Variants in KHDRBS2 observed in about 807,000 individuals in gnomAD.
KHDRBS2 encodes KH domain-containing, RNA-binding, signal transduction-associated protein 2.
In KHDRBS2, 26 loss-of-function variants were observed where a neutral mutation model predicts 44.3. The ratio of observed to expected loss-of-function variants is 0.59; its 90% confidence interval spans 0.43 to 0.81. The LOEUF is 0.81. Among genes scored for constraint, KHDRBS2 ranks in the 40% least tolerant of loss-of-function variants. KHDRBS2 has a pLI of 0.00. For synonymous variants in KHDRBS2, 194 were observed against 151.1 expected, an observed-to-expected ratio of 1.28 and a Z score of -2.08; for missense variants, 476 against 433.1, an observed-to-expected ratio of 1.10 and a Z score of -0.88.
chr6:62,237,934 G>A (rs1833962559), intron 1 of KHDRBS2, among the ~76,000 whole-genome samples: 1 of 151,960 alleles, frequency 6.6e-6, no homozygotes, highest in Non-Finnish European at 1.5e-5. Context: ...AGTTACTTGG[G>A]AGGCTAAGGC....
chr6:62,166,894 C>T (rs985702837), intron 2 of KHDRBS2, among the ~76,000 whole-genome samples: 1 of 151,952 alleles, frequency 6.6e-6, no homozygotes, highest in South Asian at 2.1e-4. Context: ...TTACTGAAGG[C>T]TCACTGAGTT....
At chr6:61,687,845 G>A (rs536647705) in intron 8 of KHDRBS2, among the ~76,000 whole-genome samples, 79 of 151,868 alleles carry the variant, frequency 5.2e-4, no homozygotes, top group African/African-American at 1.8e-3. Flanking sequence ...ATTCCAGGTA[G>A]TTTTGCATGT....
intron 1 of KHDRBS2, among the ~76,000 whole-genome samples, chr6:62,261,720 A>G (rs1278594031): frequency 2.0e-5 from 3 of 151,818 alleles, no homozygotes; most frequent in Admixed American, 1.3e-4. Flanking sequence ...CTTCAGAGGC[A>G]TTTGGCTGAT....
the KHDRBS2 span, among the ~76,000 whole-genome samples, chr6:61,611,368 C>T: frequency 6.6e-6 from 1 of 152,128 alleles, no homozygotes; most frequent in Non-Finnish European, 1.5e-5. Flanking sequence ...GAAAGAGACA[C>T]ATATGGAGCC....
At chr6:62,230,610 C>T (rs1218670732) in intron 1 of KHDRBS2, among the ~76,000 whole-genome samples, 1 of 152,136 alleles carries the variant, frequency 6.6e-6, no homozygotes, top group Non-Finnish European at 1.5e-5. Context: ...CAGCTCCTAG[C>T]ACTTAGAAGC....
chr6:62,172,955 T>C (rs1273446606), intron 2 of KHDRBS2, among the ~76,000 whole-genome samples: 1 of 151,902 alleles, frequency 6.6e-6, no homozygotes, highest in Non-Finnish European at 1.5e-5. Context: ...TAAGAAAGTT[T>C]ATAGTGCAAA....
At chr6:61,702,919 C>T (rs1768923877) in intron 7 of KHDRBS2, among the ~76,000 whole-genome samples, 1 of 151,630 alleles carries the variant, frequency 6.6e-6, no homozygotes, top group African/African-American at 2.4e-5. Context: ...GTCAATGCAG[C>T]TAACATTATA....
intron 2 of KHDRBS2, among the ~76,000 whole-genome samples, chr6:62,064,031 T>C (rs1792828033): frequency 6.9e-6 from 1 of 145,816 alleles, no homozygotes; most frequent in Admixed American, 7.1e-5. Context: ...CCATTCACAA[T>C]TGCTTCAAAG....
At chr6:61,765,260 C>A (rs1410667397) in intron 6 of KHDRBS2, among the ~76,000 whole-genome samples, 4 of 152,086 alleles carry the variant, frequency 2.6e-5, no homozygotes, top group African/African-American at 4.8e-5. Flanking sequence ...TGAGACCAGC[C>A]TGGGCAAAAT....
intron 2 of KHDRBS2, among the ~76,000 whole-genome samples, chr6:62,155,757 C>T (rs932522023): frequency 2.6e-5 from 4 of 152,148 alleles, no homozygotes; most frequent in African/African-American, 9.7e-5. Flanking sequence ...GAAGCTATTC[C>T]CATATCCGTT....
chr6:61,650,724 TGG>T, the KHDRBS2 span, among the ~76,000 whole-genome samples: 11 of 152,020 alleles, frequency 7.2e-5, no homozygotes, highest in Non-Finnish European at 1.6e-4. Context: ...TTAGCAAGGC[TGG>T]GGGTACTAAA....
chr6:61,820,914 C>G (rs1427637743), intron 6 of KHDRBS2, among the ~76,000 whole-genome samples: 1 of 151,962 alleles, frequency 6.6e-6, no homozygotes, highest in Non-Finnish European at 1.5e-5. Context: ...TAGCCATATA[C>G]GTGTGGCACC....
chr6:61,931,264 T>G (rs1489530531), intron 4 of KHDRBS2, among the ~76,000 whole-genome samples: 1 of 152,072 alleles, frequency 6.6e-6, no homozygotes, highest in African/African-American at 2.4e-5. Flanking sequence ...AGAGTATATG[T>G]TCATAAATCC....
intron 6 of KHDRBS2, among the ~76,000 whole-genome samples, chr6:61,790,970 GTTC>G (rs1784549472): frequency 1.3e-5 from 2 of 151,284 alleles, no homozygotes; most frequent in African/African-American, 2.4e-5. Context: ...TGAATTTTTA[GTTC>G]TTCTTTAGCC....
chr6:61,564,165 T>C, the KHDRBS2 span, among the ~76,000 whole-genome samples: 1 of 152,128 alleles, frequency 6.6e-6, no homozygotes, highest in African/African-American at 2.4e-5. Flanking sequence ...AATCAGCTAC[T>C]TCTTCTCTCT....
At chr6:62,049,677 T>C (rs1439187062) in intron 2 of KHDRBS2, among the ~76,000 whole-genome samples, 2 of 152,104 alleles carry the variant, frequency 1.3e-5, no homozygotes, top group Non-Finnish European at 2.9e-5. Context: ...CAGACCTTTG[T>C]CAGATAGGTA....
At position 61,898,482 on chromosome 6, in the gene KHDRBS2, ATTGT is replaced by A. The variant is rs1461721035; in HGVS notation, c.611+2758_611+2761del. Among the ~76,000 whole-genome samples, 4 of 151,990 alleles carry A rather than the reference ATTGT, an allele frequency of 2.6e-5. No individual in the cohort carries two copies. In the South Asian group the frequency reaches 6.2e-4, roughly 24 times the overall value. The stretch of plus-strand genomic sequence containing the variant: ...ATATCCAAGGTCAACATTTTAACTT[ATTGT>A]TTATCTCATTCATTATGAGATACAC... On this transcript the variant is annotated intron_variant, in intron 5 of 8. Coordinates refer to ENST00000281156, the MANE Select transcript of KHDRBS2 (RefSeq NM_152688.4).
At chr6:61,901,518 G>T (rs1804038429) in intron 4 of KHDRBS2, 147 bp from the exon 5 acceptor site, 2 of 634,102 alleles carry the variant, frequency 3.2e-6, no homozygotes, top group Non-Finnish European at 5.3e-6. Context: ...AATATAAAAT[G>T]ATATTAAAAA....
intron 6 of KHDRBS2, among the ~76,000 whole-genome samples, chr6:61,839,065 C>A (rs1331916816): frequency 2.0e-5 from 3 of 152,026 alleles, no homozygotes; most frequent in Non-Finnish European, 4.4e-5. Flanking sequence ...GAATGCACTT[C>A]CCTCTGCTAC....
Sources: gnomAD v4.1 joint callset for allele counts (sites outside exome capture counted in the v4.1 genomes callset) on GRCh38, gnomAD v4.1.1 for gene constraint, MANE v1.5 for transcripts, NCBI Gene and HGNC (gene_info 2026-07-23, HGNC 2026-07-21) for gene names.